The following SLC14A2 variants were observed in gnomAD, a reference collection of about 807,000 sequenced individuals.
The protein encoded by SLC14A2 is solute carrier family 14 member 2, also known as urea transporter 2.
A neutral mutation model predicts 104.6 loss-of-function variants in SLC14A2; 91 were observed. The ratio of observed to expected loss-of-function variants is 0.87; its 90% CI spans 0.73 to 1.04. The LOEUF (loss-of-function observed/expected upper bound fraction) is 1.04, where lower values mean the gene tolerates loss of function less well. Among genes scored for constraint, SLC14A2 ranks in the 50% least tolerant of loss-of-function variants. The probability of loss-of-function intolerance (pLI) is 0.00; values close to 1 mark genes in which losing one functional copy is unlikely to be tolerated. For synonymous variants in SLC14A2, 476 were observed against 466.4 expected, an observed-to-expected ratio of 1.02 and a Z score of -0.27; for missense variants, 1,189 against 1,156.0, an observed-to-expected ratio of 1.03 and a Z score of -0.41.
chr18:45,425,626 A>T (rs572636989), intron 1 of SLC14A2, among the ~76,000 whole-genome samples: 1 of 152,280 alleles, frequency 6.6e-6, no homozygotes, highest in Admixed American at 6.5e-5. Flanking sequence ...TTGTGCTGAG[A>T]TTCACTCTGC....
chr18:45,256,370 C>G (rs562599274), intron 1 of SLC14A2, among the ~76,000 whole-genome samples: 4 of 152,316 alleles, frequency 2.6e-5, no homozygotes, highest in Admixed American at 1.3e-4. Flanking sequence ...TCAATCACCC[C>G]CTTCCATCTC....
the SLC14A2 span, among the ~76,000 whole-genome samples, chr18:45,175,450 C>T: frequency 6.6e-6 from 1 of 151,902 alleles, no homozygotes; most frequent in Non-Finnish European, 1.5e-5. Context: ...CAGGTGTGGG[C>T]AATACCATTA....
chr18:45,451,872 G>A (rs1249819094), intron 1 of SLC14A2, among the ~76,000 whole-genome samples: 1 of 152,136 alleles, frequency 6.6e-6, no homozygotes, highest in African/African-American at 2.4e-5. Flanking sequence ...TATGGGTTCG[G>A]TTAATGATTG....
intron 1 of SLC14A2, among the ~76,000 whole-genome samples, chr18:45,418,309 A>G (rs1250821687): frequency 6.6e-6 from 1 of 152,128 alleles, no homozygotes; most frequent in Non-Finnish European, 1.5e-5. Context: ...AATAAGAAAC[A>G]AATGTCTTGT....
At chr18:45,298,752 A>G (rs2084940189) in intron 1 of SLC14A2, among the ~76,000 whole-genome samples, 3 of 152,314 alleles carry the variant, frequency 2.0e-5, no homozygotes, top group African/African-American at 2.4e-5. Context: ...AGCCTTCTCT[A>G]TGATTCTCTG....
intron 2 of SLC14A2, among the ~76,000 whole-genome samples, chr18:45,573,728 A>T (rs530925296): frequency 2.0e-5 from 3 of 152,228 alleles, no homozygotes; most frequent in Non-Finnish European, 2.9e-5. Context: ...CTATCACTTA[A>T]TCAATGGCCC....
At chr18:45,254,591 G>A (rs2084456959) in intron 1 of SLC14A2, among the ~76,000 whole-genome samples, 1 of 152,192 alleles carries the variant, frequency 6.6e-6, no homozygotes, top group Non-Finnish European at 1.5e-5. Flanking sequence ...AAGGCCTGCA[G>A]GCAGCTGACT....
In SLC14A2 at chr18:45,592,923, G is replaced by A. The variant is rs8089496; in HGVS notation, c.-34-31708G>A. On this transcript the variant is annotated intron_variant, in intron 2 of 20. Coordinates refer to the SLC14A2 transcript ENST00000586448. Reference sequence around the variant, plus strand: ...GTTGACAATAAATCAGACACTCTCTGGATTTGCTCTCCAACCTGATGGAAT... The same window carrying A: ...GTTGACAATAAATCAGACACTCTCTAGATTTGCTCTCCAACCTGATGGAAT... Among the ~76,000 whole-genome samples, 441 of 152,250 alleles carry A rather than the reference G, an allele frequency of 2.9e-3. 3 individuals are homozygous for A. The highest frequency in any genetic ancestry group is 1.0e-2 in the African/African-American group (415 of 41,534).
intron 1 of SLC14A2, among the ~76,000 whole-genome samples, chr18:45,239,993 C>T (rs113045381): frequency 0.029 from 4,339 of 151,824 alleles, 73 homozygotes; most frequent in African/African-American, 0.035. Context: ...GTATCTATAC[C>T]GCATTTTCTT....
chr18:45,527,322 T>G (rs1029750479), intron 2 of SLC14A2, among the ~76,000 whole-genome samples: 2 of 152,300 alleles, frequency 1.3e-5, no homozygotes, highest in Middle Eastern at 3.4e-3. Flanking sequence ...TTGAGATGAT[T>G]AGGAGTAAAG....
intron 2 of SLC14A2, among the ~76,000 whole-genome samples, chr18:45,599,348 G>A (rs1466067886): frequency 1.3e-5 from 2 of 152,196 alleles, no homozygotes; most frequent in East Asian, 3.8e-4. Context: ...TTGAATCACA[G>A]CGGATGTGGC....
chr18:45,519,524 C>T (rs2043487767), intron 2 of SLC14A2, among the ~76,000 whole-genome samples: 1 of 152,218 alleles, frequency 6.6e-6, no homozygotes, highest in Non-Finnish European at 1.5e-5. Flanking sequence ...CACACATACA[C>T]CTCACTCACT....
intron 2 of SLC14A2, among the ~76,000 whole-genome samples, chr18:45,566,201 G>A (rs1414889847): frequency 2.0e-5 from 3 of 152,058 alleles, no homozygotes; most frequent in Admixed American, 6.5e-5. Flanking sequence ...ACTCTATAAT[G>A]TCAGTGCTCT....
intron 1 of SLC14A2, among the ~76,000 whole-genome samples, chr18:45,270,094 G>T (rs1378927658): frequency 6.6e-6 from 1 of 152,116 alleles, no homozygotes; most frequent in East Asian, 1.9e-4. Context: ...GGAGGGGTTG[G>T]TGGATGGAGC....
chr18:45,313,067 T>C (rs536119805), intron 1 of SLC14A2, among the ~76,000 whole-genome samples: 1 of 152,360 alleles, frequency 6.6e-6, no homozygotes, highest in African/African-American at 2.4e-5. Context: ...GCAATGCAGC[T>C]GGCTTTATCC....
At chr18:45,297,981 A>C (rs956836211) in intron 1 of SLC14A2, among the ~76,000 whole-genome samples, 2 of 152,244 alleles carry the variant, frequency 1.3e-5, no homozygotes, top group Non-Finnish European at 2.9e-5. Flanking sequence ...TTAAAGACAA[A>C]GAGGCATTTT....
At chr18:45,192,626 G>T in the SLC14A2 span, among the ~76,000 whole-genome samples, 1 of 132,450 alleles carries the variant, frequency 7.6e-6, no homozygotes, top group Non-Finnish European at 1.8e-5. Context: ...GTGTGTGTGT[G>T]TGTGTGTGTG....
In SLC14A2 at chr18:45,593,740, C is replaced by A. The variant is rs150997000; in HGVS notation, c.-34-30891C>A. 4.5e-3 allele frequency among the ~76,000 whole-genome samples: 681 copies of A among 152,198 alleles called. 10 individuals are homozygous for A. The highest frequency in any genetic ancestry group is 0.015 in the African/African-American group (633 of 41,542). On this transcript the variant is annotated intron_variant, in intron 2 of 20. Coordinates refer to the SLC14A2 transcript ENST00000586448. ...TCCTGACCTCTTGATCCGTCCACCT[C>A]GGCCTCCCAAAGTGCTGGAACCACC...
chr18:45,183,138 T>C, the SLC14A2 span, among the ~76,000 whole-genome samples: 1 of 152,184 alleles, frequency 6.6e-6, no homozygotes, highest in Non-Finnish European at 1.5e-5. Flanking sequence ...TTGCGCTGGC[T>C]TCCCCCAGTG....
Sources: gnomAD v4.1 joint callset for allele counts (sites outside exome capture counted in the v4.1 genomes callset) on GRCh38, gnomAD v4.1.1 for gene constraint, MANE v1.5 for transcripts, NCBI Gene and HGNC (gene_info 2026-07-23, HGNC 2026-07-21) for gene names.